The following FSHR variants were observed in gnomAD, a reference collection of about 807,000 sequenced individuals.
FSHR encodes follicle stimulating hormone receptor, also known as follicle-stimulating hormone receptor.
A neutral mutation model predicts 52.1 loss-of-function variants in FSHR; 46 were observed. The ratio of observed to expected loss-of-function variants is 0.88; its 90% CI spans 0.70 to 1.13. The LOEUF is 1.13. FSHR is among the 50% of genes most tolerant of loss of function. The pLI is 0.00. For missense variants in FSHR, 964 were observed against 834.6 expected (o/e 1.16, Z -1.91); for synonymous variants, 399 against 309.6 (o/e 1.29, Z -3.03).
chr2:49,130,068 C>T (rs1167328473), intron 1 of FSHR, among the ~76,000 whole-genome samples: 1 of 152,124 alleles, frequency 6.6e-6, no homozygotes, highest in Admixed American at 6.6e-5. Flanking sequence ...TGATAAATGT[C>T]TTGAGATCTT....
intron 4 of FSHR, among the ~76,000 whole-genome samples, chr2:49,005,730 T>C (rs759564841): frequency 6.6e-6 from 1 of 152,192 alleles, no homozygotes; most frequent in Non-Finnish European, 1.5e-5. Context: ...TATTGAACCA[T>C]GCCTTTCTAT....
intron 1 of FSHR, among the ~76,000 whole-genome samples, chr2:49,074,965 A>G (rs1669892941): frequency 6.6e-6 from 1 of 152,080 alleles, no homozygotes; most frequent in South Asian, 2.1e-4. Context: ...TATTATCACT[A>G]ATATATGGAA....
At chr2:49,110,412 A>G (rs1389636209) in intron 1 of FSHR, among the ~76,000 whole-genome samples, 1 of 152,194 alleles carries the variant, frequency 6.6e-6, no homozygotes, top group African/African-American at 2.4e-5. Flanking sequence ...GTAAGACTTT[A>G]TGTGAAGAAC....
chr2:49,048,400 A>G (rs1668737403), intron 2 of FSHR, among the ~76,000 whole-genome samples: 1 of 152,192 alleles, frequency 6.6e-6, no homozygotes. Context: ...CAGTGTGCCT[A>G]ACTCTGTGCT....
intron 4 of FSHR, among the ~76,000 whole-genome samples, 174 bp from the exon 5 acceptor site, chr2:48,990,811 C>G (rs978880963): frequency 2.0e-5 from 3 of 151,944 alleles, no homozygotes; most frequent in East Asian, 1.9e-4. Context: ...GTTCGTTCCA[C>G]GGTCTTAAAA....
intron 8 of FSHR, among the ~76,000 whole-genome samples, chr2:48,977,569 G>C (rs929774999): frequency 1.3e-5 from 2 of 152,180 alleles, no homozygotes; most frequent in Non-Finnish European, 2.9e-5. Flanking sequence ...CGTGTTAAAA[G>C]TCATTGTGTG....
At chr2:48,969,150 T>C (rs112806440) in intron 8 of FSHR, among the ~76,000 whole-genome samples, 122 of 152,254 alleles carry the variant, frequency 8.0e-4, no homozygotes, top group Non-Finnish European at 1.5e-3. Context: ...CCTGGCTAAT[T>C]TGGGGCCTAA....
chr2:49,021,695 G>A (rs1667706545), intron 2 of FSHR, among the ~76,000 whole-genome samples: 1 of 151,532 alleles, frequency 6.6e-6, no homozygotes, highest in African/African-American at 2.4e-5. Flanking sequence ...CCATTTCTCA[G>A]AAGCCCCCAT....
chr2:49,020,322 T>C (rs1176543420), intron 2 of FSHR, among the ~76,000 whole-genome samples, 162 bp from the exon 3 acceptor site: 1 of 152,106 alleles, frequency 6.6e-6, no homozygotes, highest in East Asian at 1.9e-4. Context: ...AAAACTAACA[T>C]ACTAGAGGCT....
intron 1 of FSHR, among the ~76,000 whole-genome samples, chr2:49,146,620 C>T (rs541196955): frequency 2.0e-5 from 3 of 151,942 alleles, no homozygotes; most frequent in African/African-American, 4.8e-5. Context: ...CAGAGGAGCG[C>T]AAGGATTACA....
At chr2:49,099,154 TTC>T (rs1048445980) in intron 1 of FSHR, among the ~76,000 whole-genome samples, 1 of 152,042 alleles carries the variant, frequency 6.6e-6, no homozygotes, top group Admixed American at 6.6e-5. Context: ...TTTAAATGTG[TTC>T]CTACCCAAAT....
chr2:49,106,896 C>G (rs890660651), intron 1 of FSHR, among the ~76,000 whole-genome samples: 1 of 152,134 alleles, frequency 6.6e-6, no homozygotes, highest in South Asian at 2.1e-4. Context: ...AGCAGCCTCT[C>G]GCCTTAAGCA....
Position 48,963,806 on chromosome 2 carries a change from T to C in FSHR, c.1015A>G (p.Asn339Asp), listed in dbSNP as rs763302784. ...TYTEFDYDLC[N>D]EVVDVTCSPK... The stretch of plus-strand genomic sequence containing the variant: ...GAGCAGGTCACGTCAACCACTTCAT[T>C]GCATAAGTCATAGTCAAACTCAGTG... The change falls in exon 10 of 10, where the codon AAT becomes GAT. Residue 339 changes from asparagine to aspartate, a missense_variant. Transcript: ENST00000406846. 1 of 1,614,132 alleles carries C rather than the reference T, an allele frequency of 6.2e-7. No individual in the cohort carries two copies. The highest frequency in any genetic ancestry group is 8.5e-7 in the Non-Finnish European group (1 of 1,179,996).
At chr2:48,994,641 C>A (rs1675940525) in intron 4 of FSHR, among the ~76,000 whole-genome samples, 1 of 151,892 alleles carries the variant, frequency 6.6e-6, no homozygotes, top group African/African-American at 2.4e-5. Flanking sequence ...CTGATGGAGG[C>A]TGGAAGTGGG....
intron 1 of FSHR, among the ~76,000 whole-genome samples, chr2:49,134,439 A>G (rs1672411723): frequency 1.3e-5 from 2 of 152,226 alleles, no homozygotes; most frequent in African/African-American, 4.8e-5. Context: ...GGATGTGGAG[A>G]AATAGGAATG....
At chr2:48,964,422 C>T (rs1674378780) in intron 9 of FSHR, among the ~76,000 whole-genome samples, 1 of 152,192 alleles carries the variant, frequency 6.6e-6, no homozygotes, top group African/African-American at 2.4e-5. Flanking sequence ...ATTTGCTTCT[C>T]TTATCTACAT....
chr2:49,044,660 C>T (rs1250387277), intron 2 of FSHR, among the ~76,000 whole-genome samples: 2 of 152,106 alleles, frequency 1.3e-5, no homozygotes, highest in Non-Finnish European at 2.9e-5. Context: ...ATCCCCCTCC[C>T]CCAGCACTCT....
At chr2:49,118,435 C>T (rs1671682693) in intron 1 of FSHR, among the ~76,000 whole-genome samples, 1 of 152,164 alleles carries the variant, frequency 6.6e-6, no homozygotes, top group South Asian at 2.1e-4. Context: ...TTTTGGACCC[C>T]TGTGGCTTTC....
At chr2:49,000,652 G>A (rs1473609175) in intron 4 of FSHR, among the ~76,000 whole-genome samples, 1 of 152,144 alleles carries the variant, frequency 6.6e-6, no homozygotes, top group Non-Finnish European at 1.5e-5. Context: ...GACTTTGTGA[G>A]AAGGGTTTCT....
Sources: gnomAD v4.1 joint callset for allele counts (sites outside exome capture counted in the v4.1 genomes callset) on GRCh38, gnomAD v4.1.1 for gene constraint, MANE v1.5 for transcripts, NCBI Gene and HGNC (gene_info 2026-07-23, HGNC 2026-07-21) for gene names.